The following PLXNA4 variants were observed in gnomAD, a reference collection of about 807,000 sequenced individuals.
PLXNA4 encodes plexin-A4.
Under a neutral mutation model 191.8 loss-of-function variants are expected in PLXNA4, and 44 were observed. That is an observed-to-expected ratio of 0.23 (90% confidence interval 0.18 to 0.29). The LOEUF is 0.29. Among genes scored for constraint, PLXNA4 ranks in the 10% least tolerant of loss-of-function variants. The pLI is 1.00. For synonymous variants in PLXNA4, 1,082 were observed against 1,009.5 expected (o/e 1.07, Z -1.36); for missense variants, 1,800 against 2,488.8 (o/e 0.72, Z 5.89).
chr7:132,398,492 T>A (rs1036322877), intron 3 of PLXNA4, among the ~76,000 whole-genome samples: 2 of 152,174 alleles, frequency 1.3e-5, no homozygotes, highest in Non-Finnish European at 2.9e-5. Context: ...ATGCCGTCCA[T>A]GCCCGGTCTG....
At chr7:132,632,524 T>C (rs935454368) in intron 2 of PLXNA4, among the ~76,000 whole-genome samples, 12 of 152,154 alleles carry the variant, frequency 7.9e-5, no homozygotes, top group African/African-American at 2.9e-4. Flanking sequence ...AGAGTTAGGC[T>C]CTTACTCATT....
chr7:132,324,684 AG>A (rs1480020127), intron 3 of PLXNA4, among the ~76,000 whole-genome samples: 2 of 152,164 alleles, frequency 1.3e-5, no homozygotes, highest in Admixed American at 6.5e-5. Flanking sequence ...TAAGCATTGG[AG>A]AGCCCCTTCA....
At chr7:132,574,039 A>C (rs1802108255) in intron 1 of PLXNA4, among the ~76,000 whole-genome samples, 1 of 152,234 alleles carries the variant, frequency 6.6e-6, no homozygotes, top group East Asian at 1.9e-4. Flanking sequence ...TCCGCTTTAC[A>C]GAGATGTTAA....
rs373942882 is a variant in PLXNA4 at position 132,250,986 on chromosome 7, C to T, written c.1504-9820G>A. Among the ~76,000 whole-genome samples, 102 of 152,008 alleles carry T rather than the reference C, an allele frequency of 6.7e-4. 1 individual carries two copies. In the South Asian group the frequency reaches 0.02, roughly 30 times the overall value. On this transcript the variant is annotated intron_variant, in intron 4 of 31. Transcript: ENST00000321063. ...GAAAAATGAAAGTTTCCCTCCCCAT[C>T]CCCAAGCCCAGCAGGTGGGAAGGGG...
chr7:132,147,755 C>G (rs1323695030), intron 27 of PLXNA4, 145 bp downstream of exon 27: 27 of 1,047,738 alleles, frequency 2.6e-5, no homozygotes, highest in Non-Finnish European at 3.3e-5. Context: ...CCTCTTCCCC[C>G]ACCTGGCTCT....
intron 20 of PLXNA4, among the ~76,000 whole-genome samples, chr7:132,178,748 TACAC>T (rs55690930): frequency 0.022 from 2,268 of 103,134 alleles, 147 homozygotes; most frequent in Non-Finnish European, 0.029. Flanking sequence ...ATGAAACACA[TACAC>T]ACACACACAC....
intron 2 of PLXNA4, among the ~76,000 whole-genome samples, chr7:132,591,164 T>G (rs562290503): frequency 5.9e-5 from 9 of 151,964 alleles, no homozygotes; most frequent in Non-Finnish European, 1.3e-4. Flanking sequence ...CCTCTGCAGA[T>G]GCAATCAACA....
At chr7:132,233,017 C>T (rs535029293) in intron 5 of PLXNA4, among the ~76,000 whole-genome samples, 3 of 152,214 alleles carry the variant, frequency 2.0e-5, no homozygotes, top group African/African-American at 7.2e-5. Flanking sequence ...GCAGATGATC[C>T]CCAATCCTTA....
intron 1 of PLXNA4, among the ~76,000 whole-genome samples, chr7:132,562,115 CTCCTT>C: frequency 8.7e-6 from 1 of 114,544 alleles, no homozygotes; most frequent in African/African-American, 4.1e-5. Flanking sequence ...TCCTCCTTCT[CTCCTT>C]CTCCTCCTCC....
rs965790681 is a variant in PLXNA4, at chr7:132,576,307, G to C, written c.-87+115C>G. 1.3e-5 allele frequency: 10 copies of C among 781,562 alleles called. No individual in the cohort carries two copies. Among genetic ancestry groups the C allele is most frequent in the Non-Finnish European group, 1.6e-5 (10 of 643,520 alleles). The allele number at this position is 781,562 out of a possible 1,614,324, so 48.4% of individuals were successfully genotyped here. ...TGTGTGCCTGCGTGTGTGCGTGTGC[G>C]TGTGCCGCGGGCTGGCTCCGGGACA... On this transcript the variant is annotated intron_variant, in intron 1 of 31. Coordinates refer to ENST00000321063, the MANE Select transcript of PLXNA4 (RefSeq NM_020911.2). This position sits in a 1 kb window ranked among gnomAD's most constrained non-coding sequence, Gnocchi z 5.8.
chr7:132,434,389 G>A (rs1257687672), intron 3 of PLXNA4, among the ~76,000 whole-genome samples: 1 of 152,198 alleles, frequency 6.6e-6, no homozygotes, highest in Non-Finnish European at 1.5e-5. Context: ...CAGGGTGGGA[G>A]GCAAGGAGGG....
intron 6 of PLXNA4, 93 bp downstream of exon 6, chr7:132,228,253 T>A: frequency 6.5e-7 from 1 of 1,544,032 alleles, no homozygotes; most frequent in Non-Finnish European, 8.8e-7. Flanking sequence ...CTTGGCCCAG[T>A]CCTCCAGAGG....
At chr7:132,458,506 A>G (rs987171072) in intron 3 of PLXNA4, among the ~76,000 whole-genome samples, 2 of 151,946 alleles carry the variant, frequency 1.3e-5, no homozygotes, top group African/African-American at 4.8e-5. Flanking sequence ...CTACAGCTGC[A>G]TAGAGTGAGC....
chr7:132,425,751 A>G (rs1296035151), intron 3 of PLXNA4, among the ~76,000 whole-genome samples: 1 of 152,242 alleles, frequency 6.6e-6, no homozygotes, highest in Non-Finnish European at 1.5e-5. Context: ...AACTGAGAGA[A>G]AGGAACCAAA....
chr7:132,333,721 C>T (rs1174589336), intron 3 of PLXNA4, among the ~76,000 whole-genome samples: 4 of 152,200 alleles, frequency 2.6e-5, no homozygotes, highest in African/African-American at 9.6e-5. Context: ...GAGAAAGAGA[C>T]ATCATTCCCC....
chr7:132,160,936 C>A (rs79008842), intron 24 of PLXNA4, among the ~76,000 whole-genome samples: 57 of 38,672 alleles, frequency 1.5e-3, no homozygotes, highest in Admixed American at 5.0e-3. Context: ...GAAAAAAAAA[C>A]CCCTGAAATC....
At chr7:132,537,120 G>A (rs1799874947) in intron 1 of PLXNA4, among the ~76,000 whole-genome samples, 1 of 152,178 alleles carries the variant, frequency 6.6e-6, no homozygotes, top group Non-Finnish European at 1.5e-5. Context: ...CTTCCAAAGG[G>A]CAGAAGCAGG....
At chr7:132,217,414 T>A (rs2116929066) in intron 9 of PLXNA4, among the ~76,000 whole-genome samples, 1 of 152,294 alleles carries the variant, frequency 6.6e-6, no homozygotes, top group African/African-American at 2.4e-5. Context: ...TAGCCCCTAG[T>A]GTGTTTACAA....
At chr7:132,496,347 A>G (rs1798009918) in intron 2 of PLXNA4, among the ~76,000 whole-genome samples, 1 of 152,194 alleles carries the variant, frequency 6.6e-6, no homozygotes, top group South Asian at 2.1e-4. Flanking sequence ...CTGAGAAAAT[A>G]GGTACCAAAA....
Sources: gnomAD v4.1 joint callset for allele counts (sites outside exome capture counted in the v4.1 genomes callset) on GRCh38, gnomAD v4.1.1 for gene constraint, Gnocchi (gnomAD v3.1) non-coding constraint, MANE v1.5 for transcripts, NCBI Gene and HGNC (gene_info 2026-07-23, HGNC 2026-07-21) for gene names.